Variants in ZNF124 observed in about 807,000 individuals in gnomAD.
ZNF124 encodes the protein zinc finger protein HZF-16.
ZNF124 carries 25 observed loss-of-function variants against 26.6 expected under a neutral mutation model. The ratio of observed to expected loss-of-function variants is 0.94; its 90% CI spans 0.68 to 1.31. ZNF124 has a LOEUF of 1.31. Among genes scored for constraint, ZNF124 ranks in the 40% most tolerant of loss-of-function variants. The pLI is 0.00. For synonymous variants in ZNF124, 129 were observed against 133.3 expected (o/e 0.97, Z 0.22); for missense variants, 444 against 422.2 (o/e 1.05, Z -0.45).
At chr1:247,135,618 C>T (rs941913988) in intron 3 of ZNF124, among the ~76,000 whole-genome samples, 2 of 152,138 alleles carry the variant, frequency 1.3e-5, no homozygotes, top group African/African-American at 4.8e-5. Flanking sequence ...GAGCAGATAC[C>T]ATTCCTTCTG....
At chr1:247,137,149 C>T (rs1672503776) in intron 3 of ZNF124, among the ~76,000 whole-genome samples, 1 of 151,734 alleles carries the variant, frequency 6.6e-6, no homozygotes, top group Non-Finnish European at 1.5e-5. Context: ...AATACCACCA[C>T]ACATCTAAAA....
chr1:247,166,645 G>C (rs1201414183), intron 1 of ZNF124, among the ~76,000 whole-genome samples: 7 of 152,358 alleles, frequency 4.6e-5, no homozygotes, highest in African/African-American at 1.7e-4. Context: ...GGGCACACCA[G>C]CAAGTTGGAT....
intron 3 of ZNF124, among the ~76,000 whole-genome samples, chr1:247,142,419 T>C (rs1350748315): frequency 1.3e-5 from 2 of 152,182 alleles, no homozygotes; most frequent in African/African-American, 4.8e-5. Flanking sequence ...GGCTGTCTTA[T>C]GACAGTCATG....
chr1:247,164,885 G>A (rs937241186), intron 1 of ZNF124, among the ~76,000 whole-genome samples: 1 of 151,998 alleles, frequency 6.6e-6, no homozygotes, highest in Non-Finnish European at 1.5e-5. Context: ...AACCAAAACA[G>A]CATGGTAATG....
chr1:247,139,476 A>G (rs4925527), intron 3 of ZNF124, among the ~76,000 whole-genome samples: 149,653 of 152,334 alleles, frequency 0.98, 73,531 homozygotes, highest in East Asian at 1. Context: ...CCTTTTAAGC[A>G]GGGCATTTAG....
exon 4 of ZNF124, chr1:247,123,100 A>G (rs1321396457): frequency 6.6e-6 from 1 of 151,836 alleles, no homozygotes; most frequent in African/African-American, 2.4e-5. Context: ...GAGAACATGA[A>G]AACAAACTTG....
intron 3 of ZNF124, 123 bp from the exon 4 acceptor site, chr1:247,157,526 CTTATT>C (rs1558386590): frequency 2.3e-6 from 2 of 855,614 alleles, no homozygotes; most frequent in Admixed American, 2.1e-5. Context: ...TCTACACTGA[CTTATT>C]TAATTTTACA....
chr1:247,125,241 G>A (rs549633203), intron 3 of ZNF124, among the ~76,000 whole-genome samples: 58 of 152,140 alleles, frequency 3.8e-4, no homozygotes, highest in Non-Finnish European at 6.3e-4. Context: ...TAGCTTTTTT[G>A]TGGATGTTTT....
chr1:247,143,763 C>T (rs907592758), intron 3 of ZNF124, among the ~76,000 whole-genome samples: 1 of 152,188 alleles, frequency 6.6e-6, no homozygotes, highest in African/African-American at 2.4e-5. Context: ...AGATTCGTCT[C>T]TAGATGGTAG....
At chr1:247,131,916 A>G (rs1672377511) in intron 3 of ZNF124, among the ~76,000 whole-genome samples, 1 of 152,090 alleles carries the variant, frequency 6.6e-6, no homozygotes, top group Non-Finnish European at 1.5e-5. Flanking sequence ...CACCCTCTCC[A>G]CCAAGGGACA....
rs1462701768 is a variant in ZNF124, at chr1:247,124,147, TA to T, written c.219-277del. Among the ~76,000 whole-genome samples the T allele has an allele frequency of 5.9e-5, 9 of 151,478 alleles. No homozygotes were observed. In the South Asian group the frequency reaches 8.4e-4, roughly 14 times the overall value. ...CCGGCCTACGTGAGCCATTTTTTGT[TA>T]ATAGCTTTATTGGGATCACACACGT... On this transcript the variant is annotated intron_variant, in intron 3 of 3. Coordinates refer to the ZNF124 transcript ENST00000472531.
In ZNF124 at chr1:247,155,998, A is replaced by G; in HGVS notation, c.*568T>C. On this transcript the variant is annotated 3_prime_UTR_variant, in exon 4 of 4. Coordinates refer to ENST00000543802, the MANE Select transcript of ZNF124 (RefSeq NM_001297568.2). ...AGCTCCTAAAACATCTCATTCACAT[A>G]GTGAATTTTCTTGAGAATTGTACTA... 3.2e-6 allele frequency: 3 copies of G among 941,338 alleles called. No individual in the cohort carries two copies. Among genetic ancestry groups the G allele is most frequent in the South Asian group, 4.9e-5 (1 of 20,388 alleles). 58.3% of individuals were successfully genotyped at this position (941,338 alleles called of 1,614,324 possible).
At chr1:247,154,498 T>C (rs531043675), downstream of ZNF124, among the ~76,000 whole-genome samples, 197 of 152,292 alleles carry the variant, frequency 1.3e-3, 1 homozygote, top group Non-Finnish European at 8.8e-5. Context: ...AGTTCAAGAA[T>C]GAACTAATAA....
downstream of ZNF124, among the ~76,000 whole-genome samples, chr1:247,151,931 A>C (rs1672957938): frequency 6.6e-6 from 1 of 152,148 alleles, no homozygotes; most frequent in African/African-American, 2.4e-5. Context: ...TATAAAGTAT[A>C]AAAGAGGAAA....
downstream of ZNF124, among the ~76,000 whole-genome samples, chr1:247,154,203 GC>G (rs765430481): frequency 6.2e-4 from 94 of 152,312 alleles, no homozygotes; most frequent in Non-Finnish European, 1.2e-3. Context: ...CGTGTCAAGG[GC>G]AAGACCAGGT....
At chr1:247,169,237 T>G (rs1163074592) in intron 1 of ZNF124, among the ~76,000 whole-genome samples, 1 of 152,090 alleles carries the variant, frequency 6.6e-6, no homozygotes, top group African/African-American at 2.4e-5. Context: ...GACTCACATG[T>G]CAAGTAAGAC....
chr1:247,165,484 T>C (rs1673728896), intron 1 of ZNF124, among the ~76,000 whole-genome samples: 1 of 152,192 alleles, frequency 6.6e-6, no homozygotes, highest in Non-Finnish European at 1.5e-5. Flanking sequence ...GGAAATACCA[T>C]TCTGGACATA....
At chr1:247,149,412 A>G (rs532696351) in intron 3 of ZNF124, among the ~76,000 whole-genome samples, 1 of 152,322 alleles carries the variant, frequency 6.6e-6, no homozygotes, top group Admixed American at 6.5e-5. Context: ...TTATTGCAGC[A>G]TTTTCCACAA....
chr1:247,153,091 C>A (rs1461656484), downstream of ZNF124, among the ~76,000 whole-genome samples: 1 of 151,486 alleles, frequency 6.6e-6, no homozygotes, highest in African/African-American at 2.4e-5. Context: ...TGAGATTGCG[C>A]CACTGCACTC....
Sources: allele counts gnomAD v4.1 joint callset (sites outside exome capture counted in the v4.1 genomes callset), GRCh38; gene constraint gnomAD v4.1.1; transcripts MANE v1.5; gene names NCBI Gene and HGNC (gene_info 2026-07-23, HGNC 2026-07-21).